PDE3A: variants seen among roughly 807,000 people sequenced by gnomAD.
The protein encoded by PDE3A is cGMP-inhibited 3',5'-cyclic phosphodiesterase 3A.
A neutral mutation model predicts 98.3 loss-of-function variants in PDE3A; 43 were observed. The observed-to-expected ratio is 0.44, with a 90% CI of 0.34 to 0.56. PDE3A has a LOEUF of 0.56. Among genes scored for constraint, PDE3A ranks in the 20% least tolerant of loss-of-function variants. The pLI, the probability that PDE3A is intolerant of heterozygous loss-of-function variation, is 0.01. For synonymous variants in PDE3A, 663 were observed against 567.9 expected (o/e 1.17, Z -2.38); for missense variants, 1,427 against 1,440.7 (o/e 0.99, Z 0.15).
At chr12:20,548,681 T>C (rs1942121514) in intron 1 of PDE3A, among the ~76,000 whole-genome samples, 1 of 152,138 alleles carries the variant, frequency 6.6e-6, no homozygotes, top group Admixed American at 6.5e-5. Context: ...TTCATTTCTC[T>C]TGAAAGTTTA....
intron 1 of PDE3A, among the ~76,000 whole-genome samples, chr12:20,387,866 A>G (rs1055401351): frequency 6.6e-6 from 1 of 152,092 alleles, no homozygotes; most frequent in African/African-American, 2.4e-5. Context: ...ATGAGTGGAA[A>G]GTGAAATCAT....
In PDE3A at chr12:20,451,601, C is replaced by T. The variant is rs578240626; in HGVS notation, c.960+81357C>T. Among the ~76,000 whole-genome samples the T allele has an allele frequency of 5.3e-5, 8 of 152,282 alleles. No homozygotes were observed. In the East Asian group the frequency reaches 1.4e-3, roughly 26 times the overall value. ...GGATTACAGGCATAAGCAAGTACACCCAGCCTCATTACCTTATAGTTTTTA... is the reference window on the plus strand; with the variant it reads ...GGATTACAGGCATAAGCAAGTACACTCAGCCTCATTACCTTATAGTTTTTA... On this transcript the variant is annotated intron_variant, in intron 1 of 15. Coordinates refer to ENST00000359062, the MANE Select transcript of PDE3A (RefSeq NM_000921.5).
chr12:20,426,661 G>A (rs143258105), intron 1 of PDE3A, among the ~76,000 whole-genome samples: 1 of 152,158 alleles, frequency 6.6e-6, no homozygotes, highest in African/African-American at 2.4e-5. Context: ...TTAGAAAAAT[G>A]GACACGCTTA....
At chr12:20,616,057 G>A (rs1210343587) in intron 3 of PDE3A, among the ~76,000 whole-genome samples, 173 bp from the exon 4 acceptor site, 1 of 148,692 alleles carries the variant, frequency 6.7e-6, no homozygotes, top group Non-Finnish European at 1.5e-5. Context: ...ATTTTGGCCA[G>A]AGAGTCTTTT....
chr12:20,482,489 C>T (rs374918797), intron 1 of PDE3A, among the ~76,000 whole-genome samples: 3 of 152,162 alleles, frequency 2.0e-5, no homozygotes, highest in African/African-American at 7.2e-5. Flanking sequence ...TTCTGGCACA[C>T]AAAGTTGAAC....
At chr12:20,374,173 C>G (rs1943530054) in intron 1 of PDE3A, among the ~76,000 whole-genome samples, 1 of 151,966 alleles carries the variant, frequency 6.6e-6, no homozygotes, top group Non-Finnish European at 1.5e-5. Flanking sequence ...ACAAGATTTC[C>G]TTATCCCTTG....
intron 1 of PDE3A, chr12:20,551,448 GCT>G (rs1942194638): frequency 1.6e-6 from 1 of 607,602 alleles, no homozygotes; most frequent in African/African-American, 1.9e-5. Context: ...CAGATTGATA[GCT>G]CTTTCTCGAT....
intron 2 of PDE3A, among the ~76,000 whole-genome samples, chr12:20,583,697 G>T (rs1943125495): frequency 6.6e-6 from 1 of 152,046 alleles, no homozygotes; most frequent in African/African-American, 2.4e-5. Flanking sequence ...CATAGACTGG[G>T]CCCTGGTATA....
intron 2 of PDE3A, among the ~76,000 whole-genome samples, chr12:20,606,183 T>TAA (rs201350938): frequency 6.6e-6 from 1 of 151,928 alleles, no homozygotes; most frequent in African/African-American, 2.4e-5. Flanking sequence ...TTACTTTCTT[T>TAA]AAAAAAAATG....
chr12:20,506,663 C>G (rs748941369), intron 1 of PDE3A, among the ~76,000 whole-genome samples: 26 of 151,804 alleles, frequency 1.7e-4, no homozygotes, highest in Non-Finnish European at 2.9e-4. Context: ...ATACGTTAAC[C>G]TGGTTAATTG....
chr12:20,687,818 T>C lies in PDE3A; in HGVS notation c.*7547T>C, dbSNP rs1315807886. ...TCTGAATTTAGAGTGTTTTAGGTTT[T>C]GGTTGGTTTGAATAATTTGATTTGC... On this transcript the variant is annotated 3_prime_UTR_variant, in exon 16 of 16. Coordinates refer to ENST00000359062, the MANE Select transcript of PDE3A (RefSeq NM_000921.5). 6.6e-6 allele frequency among the ~76,000 whole-genome samples: 1 copy of C among 151,276 alleles called. No homozygotes were observed. The highest frequency in any genetic ancestry group is 1.5e-5 in the Non-Finnish European group (1 of 67,826).
intron 2 of PDE3A, among the ~76,000 whole-genome samples, chr12:20,563,945 T>C (rs896836555): frequency 6.6e-6 from 1 of 152,190 alleles, no homozygotes; most frequent in Non-Finnish European, 1.5e-5. Flanking sequence ...TACTGTTTAG[T>C]ATTATGTCTT....
At chr12:20,677,468 C>A (rs199987504) in intron 15 of PDE3A, among the ~76,000 whole-genome samples, 6 of 105,480 alleles carry the variant, frequency 5.7e-5, no homozygotes, top group African/African-American at 1.9e-4. Flanking sequence ...TTTTTCTTTT[C>A]TTTTTATTTG....
chr12:20,570,436 A>AAG (rs1942774805), intron 2 of PDE3A, among the ~76,000 whole-genome samples: 2 of 140,382 alleles, frequency 1.4e-5, no homozygotes, highest in Non-Finnish European at 3.1e-5. Flanking sequence ...AAAAAAAAAA[A>AAG]AAGGTGTAAA....
chr12:20,498,380 GA>G (rs1565568502), intron 1 of PDE3A, among the ~76,000 whole-genome samples: 1 of 151,668 alleles, frequency 6.6e-6, no homozygotes, highest in African/African-American at 2.4e-5. Flanking sequence ...ATATATTCAA[GA>G]AAAAAAGTGA....
chr12:20,639,596 G>C (rs1281957167), intron 9 of PDE3A, among the ~76,000 whole-genome samples: 1 of 152,036 alleles, frequency 6.6e-6, no homozygotes, highest in Non-Finnish European at 1.5e-5. Flanking sequence ...TTTTGGCTGA[G>C]ACTAAATGGA....
intron 1 of PDE3A, among the ~76,000 whole-genome samples, chr12:20,542,751 T>G (rs953085690): frequency 3.9e-5 from 6 of 152,018 alleles, no homozygotes; most frequent in African/African-American, 1.4e-4. Flanking sequence ...GATTTCCAAT[T>G]TTTTCTAAGA....
chr12:20,611,488 G>A (rs1943853007), intron 2 of PDE3A, among the ~76,000 whole-genome samples: 1 of 151,782 alleles, frequency 6.6e-6, no homozygotes. Context: ...TTTCTTTGCA[G>A]CCTGATATTT....
chr12:20,471,837 T>G (rs1945444898), intron 1 of PDE3A, among the ~76,000 whole-genome samples: 1 of 152,182 alleles, frequency 6.6e-6, no homozygotes, highest in Non-Finnish European at 1.5e-5. Context: ...CAAAATATAT[T>G]TATTGAATAC....
Sources: gnomAD v4.1 joint callset for allele counts (sites outside exome capture counted in the v4.1 genomes callset) on GRCh38, gnomAD v4.1.1 for gene constraint, MANE v1.5 for transcripts, NCBI Gene and HGNC (gene_info 2026-07-23, HGNC 2026-07-21) for gene names.